The following GCKR variants were observed in gnomAD, a reference collection of about 807,000 sequenced individuals.
GCKR encodes the protein glucokinase regulator.
In GCKR, 73 loss-of-function variants were observed where a neutral mutation model predicts 82.9. The observed-to-expected ratio is 0.88, with a 90% CI of 0.73 to 1.07. The LOEUF (loss-of-function observed/expected upper bound fraction) is 1.07, where lower values mean the gene tolerates loss of function less well. GCKR is among the 50% of genes least tolerant of loss of function. The pLI, the probability that GCKR is intolerant of heterozygous loss-of-function variation, is 0.00. For synonymous variants in GCKR, 294 were observed against 291.8 expected, an observed-to-expected ratio of 1.01 and a Z score of -0.08; for missense variants, 784 against 782.1, an observed-to-expected ratio of 1.00 and a Z score of -0.03.
chr2:27,516,023 T>C (rs570975331), intron 16 of GCKR, among the ~76,000 whole-genome samples: 3 of 150,138 alleles, frequency 2.0e-5, no homozygotes, highest in Non-Finnish European at 4.4e-5. Context: ...GCAATCCTCC[T>C]GTCCCAGCCT....
intron 16 of GCKR, among the ~76,000 whole-genome samples, chr2:27,518,508 C>A (rs952880153): frequency 6.6e-6 from 1 of 152,154 alleles, no homozygotes; most frequent in African/African-American, 2.4e-5. Context: ...AGGAACAATT[C>A]AGCAGGATCA....
chr2:27,519,726 A>T (rs1005081950), intron 17 of GCKR, among the ~76,000 whole-genome samples: 5 of 152,192 alleles, frequency 3.3e-5, no homozygotes, highest in Non-Finnish European at 7.3e-5. Flanking sequence ...GGTTCTTGCA[A>T]ATGCCTGGTT....
chr2:27,503,009 A>G (rs1669623840), intron 8 of GCKR, among the ~76,000 whole-genome samples: 1 of 152,254 alleles, frequency 6.6e-6, no homozygotes, highest in African/African-American at 2.4e-5. Context: ...ATGTTCAACA[A>G]CTGTGAGGTG....
chr2:27,505,852 A>G lies in GCKR; in HGVS notation c.869+16A>G, dbSNP rs1669724002. 5.3e-6 allele frequency: 7 copies of G among 1,311,320 alleles called. No homozygotes were observed. Among genetic ancestry groups the G allele is most frequent in the Non-Finnish European group, 7.8e-6 (7 of 903,202 alleles). 81.2% of individuals were successfully genotyped at this position (1,311,320 alleles called of 1,614,324 possible). A position where few individuals can be genotyped will look rare whatever the true frequency, so the allele number is the denominator to read the frequency against. The stretch of plus-strand genomic sequence containing the variant: ...CATCTCAAAGGTAGGGAGGATCTGG[A>G]TAAGAGAGAGCTCAGAGTCAGGCGA... On this transcript the variant is annotated intron_variant, in intron 10 of 18. Coordinates refer to ENST00000264717, the MANE Select transcript of GCKR (RefSeq NM_001486.4).
Position 27,508,002 on chromosome 2 carries a change from A to G in GCKR, c.1266A>G (p.Ile422Met), listed in dbSNP as rs1669791030. The G allele has an allele frequency of 6.2e-7, 1 of 1,613,260 alleles. No individual in the cohort carries two copies. The highest frequency in any genetic ancestry group is 8.5e-7 in the Non-Finnish European group (1 of 1,179,358). The change falls in exon 15 of 19, where the codon ATA becomes ATG. Residue 422 changes from isoleucine (I) to methionine (M), a missense_variant. Transcript: ENST00000264717. ...ACAACCTCACGGAGGTGCAGACTAT[A>G]GTGGAGCAGGTGAAAGAGAAGACCA... ...LDDNLTEVQT[I>M]VEQVKEKTNH...
intron 16 of GCKR, among the ~76,000 whole-genome samples, chr2:27,516,166 T>A (rs2148590882): frequency 6.6e-6 from 1 of 152,110 alleles, no homozygotes; most frequent in Non-Finnish European, 1.5e-5. Context: ...ATTGGTCTAT[T>A]TATGGACTTT....
intron 18 of GCKR, among the ~76,000 whole-genome samples, chr2:27,523,052 C>A (rs1038176744): frequency 3.3e-5 from 5 of 152,154 alleles, no homozygotes. Context: ...TGCCAGCCAC[C>A]AATGCCTGGC....
At position 27,503,540 on chromosome 2, in the gene GCKR, C is replaced by A. The variant is rs987416895; in HGVS notation, c.671C>A (p.Ser224Ter). 1.2e-6 allele frequency: 2 copies of A among 1,605,520 alleles called. No individual in the cohort carries two copies. The highest frequency in any genetic ancestry group is 1.7e-5 in the Admixed American group (1 of 60,004). ...AATGACCCCATTGAAGACTGGAGTTCAACATTCCGACAAGTAGCAGAGCGG... is the reference window on the plus strand; with the variant it reads ...AATGACCCCATTGAAGACTGGAGTTAAACATTCCGACAAGTAGCAGAGCGG... ...ARNDPIEDWS[S>*]TFRQVAERMQ... Residue 224 changes from serine to a stop codon, truncating the protein, a stop_gained, in exon 9 of 19, where the codon TCA becomes TAA. Transcript: ENST00000264717. LOFTEE classifies it high-confidence loss of function.
At chr2:27,518,170 C>T (rs1461674925) in intron 16 of GCKR, among the ~76,000 whole-genome samples, 2 of 152,146 alleles carry the variant, frequency 1.3e-5, no homozygotes, top group Non-Finnish European at 2.9e-5. Context: ...CTCAGCCCCC[C>T]GAGTAGCTGG....
In GCKR at chr2:27,508,197, C is replaced by T. The variant is rs386352306; in HGVS notation, c.1368C>T (p.Ile456=). 3 of 1,612,440 alleles carry T rather than the reference C, an allele frequency of 1.9e-6. No homozygotes were observed. Among genetic ancestry groups the T allele is most frequent in the Non-Finnish European group, 2.5e-6 (3 of 1,178,410 alleles). The part of the protein sequence containing the change: ...LIPLKKLFPS[I]ISITWPLLFF... The stretch of plus-strand genomic sequence containing the variant: ...CTCTGAAGAAGCTCTTTCCCTCCAT[C>T]ATCAGCATCACATGGCCACTGCTTT... The change falls in exon 16 of 19, where the codon ATC becomes ATT. Residue 456 remains isoleucine (I), a synonymous_variant. Transcript: ENST00000264717.
chr2:27,504,867 C>T (rs190067473), intron 9 of GCKR, among the ~76,000 whole-genome samples: 1 of 151,908 alleles, frequency 6.6e-6, no homozygotes, highest in African/African-American at 2.4e-5. Flanking sequence ...TGGCTCACGC[C>T]TGTAATCCCA....
chr2:27,520,251 G>A (rs1328261637), intron 17 of GCKR, among the ~76,000 whole-genome samples: 2 of 152,076 alleles, frequency 1.3e-5, no homozygotes, highest in Non-Finnish European at 2.9e-5. Flanking sequence ...TCCAGTGGAG[G>A]TATAAAGAAG....
At position 27,523,270 on chromosome 2, in the gene GCKR, TGA is replaced by T. The variant is rs758273429; in HGVS notation, c.1710_1711del (p.Ile571ThrfsTer15). 1 of 1,611,584 alleles carries T rather than the reference TGA, an allele frequency of 6.2e-7. No homozygotes were observed. Among genetic ancestry groups the T allele is most frequent in the Non-Finnish European group, 8.5e-7 (1 of 1,178,934 alleles). On this transcript the variant is annotated frameshift_variant and splice_region_variant, in exon 19 of 19. Coordinates refer to ENST00000264717, the MANE Select transcript of GCKR (RefSeq NM_001486.4). LOFTEE classifies it high-confidence loss of function. ...GTGCCCACTGCCTCTTCCCCACAGGTGATACCCATCGCCTTGCTGAGCCTCCT... is the reference window on the plus strand; with the variant it reads ...GTGCCCACTGCCTCTTCCCCACAGGTTACCCATCGCCTTGCTGAGCCTCCT...
At chr2:27,507,051 C>T (rs960403835) in intron 12 of GCKR, among the ~76,000 whole-genome samples, 166 bp downstream of exon 12, 2 of 152,190 alleles carry the variant, frequency 1.3e-5, no homozygotes, top group South Asian at 2.1e-4. Context: ...AACCCCAACT[C>T]AGTCCTTGAT....
At chr2:27,507,898 G>T in intron 14 of GCKR, 79 bp from the exon 15 acceptor site, 1 of 1,200,132 alleles carries the variant, frequency 8.3e-7, no homozygotes, top group South Asian at 1.2e-5. Context: ...TGAATATCCT[G>T]ACTGGACCCC....
chr2:27,514,414 A>G (rs942254984), intron 16 of GCKR, among the ~76,000 whole-genome samples: 4 of 152,148 alleles, frequency 2.6e-5, no homozygotes, highest in Admixed American at 6.6e-5. Context: ...CCTGTAGGGA[A>G]TTAGTTTAAT....
At chr2:27,505,502 C>CCT (rs1669703446) in intron 9 of GCKR, among the ~76,000 whole-genome samples, 1 of 151,980 alleles carries the variant, frequency 6.6e-6, no homozygotes, top group Non-Finnish European at 1.5e-5. Flanking sequence ...ACTCTGACTT[C>CCT]CTCTCCAGAA....
At chr2:27,518,961 T>C in intron 17 of GCKR, 24 bp downstream of exon 17, 1 of 735,118 alleles carries the variant, frequency 1.4e-6, no homozygotes, top group Non-Finnish European at 2.3e-6. Flanking sequence ...GGGGCAGGGT[T>C]GGGTGGGACC....
In GCKR at chr2:27,499,313, T is replaced by C. The variant is rs185430509; in HGVS notation, c.496-84T>C. The C allele has an allele frequency of 9.6e-6, 13 of 1,359,006 alleles. No individual in the cohort carries two copies. In the African/African-American group the frequency reaches 1.1e-4, roughly 12 times the overall value. 84.2% of individuals were successfully genotyped at this position (1,359,006 alleles called of 1,614,324 possible). ...CAAAGCCTATTTCCTCCCTCCCCTG[T>C]TCCTGGCCCTGATATCCTCACACAG... On this transcript the variant is annotated intron_variant, in intron 6 of 18. Coordinates refer to ENST00000264717, the MANE Select transcript of GCKR (RefSeq NM_001486.4).
Sources: gnomAD v4.1 joint callset for allele counts (sites outside exome capture counted in the v4.1 genomes callset) on GRCh38, gnomAD v4.1.1 for gene constraint, MANE v1.5 for transcripts, NCBI Gene and HGNC (gene_info 2026-07-23, HGNC 2026-07-21) for gene names.